Variants in KAZN observed in about 807,000 individuals in gnomAD.
KAZN encodes kazrin.
In KAZN, 40 loss-of-function variants were observed where a neutral mutation model predicts 87.4. The ratio of observed to expected loss-of-function variants is 0.46; its 90% confidence interval spans 0.36 to 0.60. The LOEUF (loss-of-function observed/expected upper bound fraction) is 0.60, where lower values mean the gene tolerates loss of function less well. KAZN is among the 20% of genes least tolerant of loss of function. The pLI is 0.00. For synonymous variants in KAZN, 466 were observed against 458.3 expected, an observed-to-expected ratio of 1.02 and a Z score of -0.22; for missense variants, 898 against 1,073.9, an observed-to-expected ratio of 0.84 and a Z score of 2.29.
intron 1 of KAZN, among the ~76,000 whole-genome samples, chr1:14,714,486 C>T (rs1642674301): frequency 6.6e-6 from 1 of 152,090 alleles, no homozygotes; most frequent in African/African-American, 2.4e-5. Flanking sequence ...AAGTGTGCAG[C>T]ATAATTAAGG....
At chr1:13,963,246 C>T (rs1444673197) in intron 1 of KAZN, among the ~76,000 whole-genome samples, 1 of 152,100 alleles carries the variant, frequency 6.6e-6, no homozygotes, top group Non-Finnish European at 1.5e-5. Context: ...AAGAGAGAAA[C>T]TACCTGATTT....
chr1:14,347,112 T>G (rs768102248), intron 2 of KAZN, among the ~76,000 whole-genome samples: 4 of 152,180 alleles, frequency 2.6e-5, no homozygotes, highest in Non-Finnish European at 5.9e-5. Context: ...TATTCACCCT[T>G]CCACGGGTGA....
At chr1:14,894,770 C>T (rs892634800) in intron 1 of KAZN, among the ~76,000 whole-genome samples, 7 of 152,250 alleles carry the variant, frequency 4.6e-5, no homozygotes, top group African/African-American at 1.7e-4. Context: ...GAATGAATCT[C>T]CTTGCAGATT....
chr1:14,749,139 C>T (rs1351805770), intron 1 of KAZN, among the ~76,000 whole-genome samples: 1 of 152,180 alleles, frequency 6.6e-6, no homozygotes, highest in Non-Finnish European at 1.5e-5. Context: ...GCTATTGCTT[C>T]CCGCAGCAGA....
At chr1:14,064,384 G>T (rs1642920282) in intron 1 of KAZN, among the ~76,000 whole-genome samples, 1 of 152,146 alleles carries the variant, frequency 6.6e-6, no homozygotes, top group African/African-American at 2.4e-5. Flanking sequence ...CGGTCAACCG[G>T]TGTCTACCTT....
At chr1:14,056,803 A>G (rs550159047) in intron 1 of KAZN, among the ~76,000 whole-genome samples, 1 of 152,230 alleles carries the variant, frequency 6.6e-6, no homozygotes, top group East Asian at 1.9e-4. Context: ...AGGAGACCCA[A>G]ACTGACTATG....
intron 2 of KAZN, among the ~76,000 whole-genome samples, chr1:14,196,146 G>A (rs1646521974): frequency 6.6e-6 from 1 of 152,156 alleles, no homozygotes; most frequent in Admixed American, 6.5e-5. Flanking sequence ...AAGAGACAAC[G>A]GTGGTTGGAG....
intron 2 of KAZN, among the ~76,000 whole-genome samples, chr1:14,295,372 A>T (rs1018184888): frequency 6.6e-6 from 1 of 152,214 alleles, no homozygotes; most frequent in Non-Finnish European, 1.5e-5. Context: ...GCTGCCAGAA[A>T]CATGGACCCT....
At chr1:14,465,970 T>C (rs1465792998) in intron 2 of KAZN, among the ~76,000 whole-genome samples, 1 of 152,208 alleles carries the variant, frequency 6.6e-6, no homozygotes, top group East Asian at 1.9e-4. Flanking sequence ...TACTCCTCAT[T>C]ATGTTACAAT....
chr1:14,897,644 G>A (rs1177290880), intron 1 of KAZN, among the ~76,000 whole-genome samples: 3 of 151,754 alleles, frequency 2.0e-5, no homozygotes, highest in Non-Finnish European at 4.4e-5. Context: ...ATAGTGAAAA[G>A]AGTGGCATGC....
At chr1:14,806,033 G>A (rs1041015753) in intron 1 of KAZN, among the ~76,000 whole-genome samples, 6 of 152,188 alleles carry the variant, frequency 3.9e-5, no homozygotes, top group Admixed American at 6.5e-5. Flanking sequence ...AACAGGCAAA[G>A]CATCTCTTGT....
chr1:14,743,116 C>T (rs1644157869), intron 1 of KAZN, among the ~76,000 whole-genome samples: 1 of 152,072 alleles, frequency 6.6e-6, no homozygotes, highest in South Asian at 2.1e-4. Flanking sequence ...AGGGAGAGTT[C>T]CATGGGGGTC....
chr1:15,064,849 A>C (rs1407436025), intron 7 of KAZN, among the ~76,000 whole-genome samples: 1 of 152,172 alleles, frequency 6.6e-6, no homozygotes, highest in African/African-American at 2.4e-5. Context: ...CGCATCGTGG[A>C]CATGACCACA....
intron 1 of KAZN, among the ~76,000 whole-genome samples, chr1:13,928,514 C>T (rs1570304601): frequency 6.6e-6 from 1 of 152,186 alleles, no homozygotes. Flanking sequence ...ATGCTTGTCA[C>T]TAGTTTTCTG....
At chr1:15,004,466 G>A (rs1668805625) in intron 2 of KAZN, among the ~76,000 whole-genome samples, 1 of 152,248 alleles carries the variant, frequency 6.6e-6, no homozygotes, top group Non-Finnish European at 1.5e-5. Context: ...TCTTGGACAA[G>A]TGACCTTACC....
intron 1 of KAZN, among the ~76,000 whole-genome samples, chr1:14,047,889 T>A (rs6660934): frequency 6.6e-6 from 1 of 151,194 alleles, no homozygotes; most frequent in African/African-American, 2.4e-5. Flanking sequence ...AAAAAAAAAA[T>A]AAAGAAAGAA....
At chr1:14,148,102 T>C (rs868737582) in intron 1 of KAZN, among the ~76,000 whole-genome samples, 1 of 150,896 alleles carries the variant, frequency 6.6e-6, no homozygotes, top group Middle Eastern at 3.4e-3. Flanking sequence ...GCACCTGTGG[T>C]CCCAGCAGAT....
In KAZN at chr1:14,773,113, G is replaced by A. The variant is rs938054031; in HGVS notation, c.226+173890G>A. ...CCCCACAAAGGTAGCATCTGGTGGA[G>A]AGAAAAGGTTGCCCTCTCCTGCATG... On this transcript the variant is annotated intron_variant, in intron 1 of 14. Transcript: ENST00000376030. This position sits in a 1 kb window ranked among gnomAD's most constrained non-coding sequence, Gnocchi z 5.9. Among the ~76,000 whole-genome samples the A allele has an allele frequency of 4.6e-5, 7 of 152,184 alleles. No homozygotes were observed.
chr1:14,449,697 G>A (rs1385160691), intron 2 of KAZN, among the ~76,000 whole-genome samples: 2 of 152,154 alleles, frequency 1.3e-5, no homozygotes, highest in Non-Finnish European at 2.9e-5. Flanking sequence ...CATGTAGGAT[G>A]AGGGCTGACT....
Sources: allele counts gnomAD v4.1 joint callset (sites outside exome capture counted in the v4.1 genomes callset), GRCh38; gene constraint gnomAD v4.1.1; non-coding constraint Gnocchi (gnomAD v3.1); transcripts MANE v1.5; gene names NCBI Gene and HGNC (gene_info 2026-07-23, HGNC 2026-07-21).